Variants in DOCK2 observed in about 807,000 individuals in gnomAD.
DOCK2 encodes dedicator of cytokinesis protein 2.
Under a neutral mutation model 248.9 loss-of-function variants are expected in DOCK2, and 87 were observed. The observed-to-expected ratio is 0.35, with a 90% CI of 0.29 to 0.42. The LOEUF (loss-of-function observed/expected upper bound fraction) is 0.42. Ranked by LOEUF, DOCK2 falls within the 10% of genes least tolerant of loss-of-function variation. The pLI is 1.00. For missense variants in DOCK2, 1,747 were observed against 2,300.2 expected, an observed-to-expected ratio of 0.76 and a Z score of 4.92; for synonymous variants, 805 against 821.6, an observed-to-expected ratio of 0.98 and a Z score of 0.35.
chr5:169,858,863 C>A (rs1468871794), intron 27 of DOCK2, among the ~76,000 whole-genome samples: 2 of 151,826 alleles, frequency 1.3e-5, no homozygotes, highest in Admixed American at 6.6e-5. Flanking sequence ...TTAAAAAAAA[C>A]ATTAGTGGGT....
At chr5:169,657,367 T>C (rs986508053) in intron 2 of DOCK2, among the ~76,000 whole-genome samples, 4 of 152,196 alleles carry the variant, frequency 2.6e-5, no homozygotes, top group Admixed American at 6.5e-5. Context: ...GTCAAAACTG[T>C]GTAGTAGAAA....
intron 26 of DOCK2, among the ~76,000 whole-genome samples, chr5:169,827,358 G>A (rs1376005838): frequency 5.9e-5 from 9 of 152,100 alleles, no homozygotes; most frequent in African/African-American, 2.2e-4. Flanking sequence ...CAGAAACCTG[G>A]GAGCAGATGA....
At chr5:169,728,566 G>T (rs1762607596) in intron 22 of DOCK2, among the ~76,000 whole-genome samples, 1 of 152,146 alleles carries the variant, frequency 6.6e-6, no homozygotes, top group Non-Finnish European at 1.5e-5. Context: ...GAGATCATGG[G>T]ACTGGAAACT....
intron 29 of DOCK2, among the ~76,000 whole-genome samples, chr5:169,995,230 C>T (rs941790841): frequency 4.0e-5 from 6 of 151,874 alleles, no homozygotes; most frequent in Admixed American, 3.3e-4. Flanking sequence ...GGTTTCACCA[C>T]GATGGTCAGG....
intron 36 of DOCK2, 94 bp from the exon 37 acceptor site, chr5:170,040,961 G>A: frequency 3.6e-6 from 4 of 1,100,898 alleles, no homozygotes; most frequent in Non-Finnish European, 5.6e-6. Context: ...GACCCAGAGA[G>A]GTGCCCAGTT....
At chr5:169,655,561 C>T (rs932454488) in intron 2 of DOCK2, among the ~76,000 whole-genome samples, 2 of 152,214 alleles carry the variant, frequency 1.3e-5, no homozygotes, top group African/African-American at 2.4e-5. Context: ...AGTCACTCCT[C>T]ACCACAACCC....
chr5:169,716,777 C>A (rs1213295595), intron 20 of DOCK2, among the ~76,000 whole-genome samples: 1 of 152,196 alleles, frequency 6.6e-6, no homozygotes, highest in Non-Finnish European at 1.5e-5. Flanking sequence ...TAGTCCTCCC[C>A]TATGGTCTTT....
intron 27 of DOCK2, among the ~76,000 whole-genome samples, chr5:169,906,183 G>A (rs1561812856): frequency 2.6e-5 from 4 of 152,150 alleles, no homozygotes; most frequent in African/African-American, 9.7e-5. Flanking sequence ...CAGGCATTGT[G>A]CCCGGGGCCG....
intron 25 of DOCK2, among the ~76,000 whole-genome samples, chr5:169,794,296 A>G (rs1639165585): frequency 6.6e-6 from 1 of 151,880 alleles, no homozygotes; most frequent in Admixed American, 6.6e-5. Flanking sequence ...CCTTCCCTCC[A>G]CTTCCCCACT....
chr5:169,975,566 T>C (rs984060941), intron 27 of DOCK2, among the ~76,000 whole-genome samples: 6 of 152,208 alleles, frequency 3.9e-5, no homozygotes, highest in African/African-American at 1.2e-4. Flanking sequence ...TCGGGGCCTT[T>C]GCATCTACTG....
intron 32 of DOCK2, among the ~76,000 whole-genome samples, chr5:170,016,723 G>A (rs1486066465): frequency 1.3e-5 from 2 of 152,200 alleles, no homozygotes; most frequent in Non-Finnish European, 2.9e-5. Context: ...TGTTGCATAA[G>A]CAATTTCTCC....
intron 13 of DOCK2, 58 bp downstream of exon 13, chr5:169,700,197 T>G: frequency 6.4e-7 from 1 of 1,569,602 alleles, no homozygotes; most frequent in South Asian, 1.2e-5. Context: ...TCAGCTTGTC[T>G]AATTCATTTT....
chr5:169,791,931 T>C (rs1028902405), intron 25 of DOCK2, among the ~76,000 whole-genome samples: 25 of 152,170 alleles, frequency 1.6e-4, no homozygotes, highest in Non-Finnish European at 2.9e-5. Context: ...AAATATGTTA[T>C]AGTGACCCTG....
At chr5:169,857,749 A>G (rs1163364660) in intron 27 of DOCK2, among the ~76,000 whole-genome samples, 1 of 151,826 alleles carries the variant, frequency 6.6e-6, no homozygotes, top group Non-Finnish European at 1.5e-5. Flanking sequence ...AAAAAAAAAG[A>G]AAAAAGAAAA....
At chr5:169,978,407 G>A (rs1242705487) in intron 27 of DOCK2, among the ~76,000 whole-genome samples, 4 of 121,618 alleles carry the variant, frequency 3.3e-5, no homozygotes, top group Non-Finnish European at 6.7e-5. Flanking sequence ...GGGGGGGGGT[G>A]TAGGTGTGTT....
At chr5:169,765,471 A>G (rs1764727244) in intron 25 of DOCK2, among the ~76,000 whole-genome samples, 1 of 152,252 alleles carries the variant, frequency 6.6e-6, no homozygotes, top group Non-Finnish European at 1.5e-5. Flanking sequence ...GAAAGGACGC[A>G]CAGATATGCC....
intron 27 of DOCK2, among the ~76,000 whole-genome samples, chr5:169,885,584 A>G (rs867097282): frequency 1.3e-5 from 2 of 152,220 alleles, no homozygotes; most frequent in Non-Finnish European, 2.9e-5. Flanking sequence ...CAACTACCTC[A>G]TAATAATAAT....
At position 169,903,694 on chromosome 5, in the gene DOCK2, C is replaced by T. The variant is rs78355917; in HGVS notation, c.2799+62842C>T. 8.9e-3 allele frequency among the ~76,000 whole-genome samples: 1,349 copies of T among 151,930 alleles called. 19 individuals carry two copies. The highest frequency in any genetic ancestry group is 0.03 in the African/African-American group (1,249 of 41,416). On this transcript the variant is annotated intron_variant, in intron 27 of 51. Transcript: ENST00000520908. ...GACTTCCTAGAGGGTCGAACTTACT[C>T]GGGGCAGGGGGAGAAAAGAAGTAAG... is the stretch of plus-strand genomic sequence containing the variant.
At chr5:169,668,351 C>T (rs976539476) in intron 2 of DOCK2, among the ~76,000 whole-genome samples, 84 of 152,302 alleles carry the variant, frequency 5.5e-4, no homozygotes, top group African/African-American at 2.0e-3. Flanking sequence ...GCTATCACGG[C>T]CCCCTGTTGC....
Sources: allele counts gnomAD v4.1 joint callset (sites outside exome capture counted in the v4.1 genomes callset), GRCh38; gene constraint gnomAD v4.1.1; transcripts MANE v1.5; gene names NCBI Gene and HGNC (gene_info 2026-07-23, HGNC 2026-07-21).